Variants in LDB2 observed in about 807,000 individuals in gnomAD.
LDB2 encodes LIM domain binding 2, also known as LIM domain-binding protein 2.
A neutral mutation model predicts 44.3 loss-of-function variants in LDB2; 12 were observed. The observed-to-expected ratio is 0.27, with a 90% confidence interval of 0.17 to 0.44. The LOEUF is 0.44. Ranked by LOEUF, LDB2 falls within the 20% of genes least tolerant of loss-of-function variation. The pLI, the probability that LDB2 is intolerant of heterozygous loss-of-function variation, is 1.00. For missense variants in LDB2, 344 were observed against 473.5 expected (o/e 0.73, Z 2.54); for synonymous variants, 164 against 174.8 (o/e 0.94, Z 0.49).
In LDB2 at chr4:16,837,030, G is replaced by C. The variant is rs141392567; in HGVS notation, c.132+61324C>G. Among the ~76,000 whole-genome samples, 312 of 152,306 alleles carry C rather than the reference G, an allele frequency of 2.0e-3. 4 individuals are homozygous for C. In the East Asian group the frequency reaches 0.036, roughly 18 times the overall value. ...ATACTTCATCTTCTGTTCCCAAAATGGTTGCTAGTCCAGGTCTGTGTAGAC... is the reference window on the plus strand; with the variant it reads ...ATACTTCATCTTCTGTTCCCAAAATCGTTGCTAGTCCAGGTCTGTGTAGAC... On this transcript the variant is annotated intron_variant, in intron 1 of 7. Coordinates refer to ENST00000304523, the MANE Select transcript of LDB2 (RefSeq NM_001290.5).
rs572516385 is a variant in LDB2 at position 16,794,385 on chromosome 4, C to T, written c.133-35125G>A. On this transcript the variant is annotated intron_variant, in intron 1 of 7. Transcript: ENST00000304523. ...CAAGATGACTGCAGCTCCTCCTCAG[C>T]TATCACTGTACCTTCAATCTGTGCA... 9.8e-5 allele frequency among the ~76,000 whole-genome samples: 15 copies of T among 152,330 alleles called. 1 individual carries two copies. The highest frequency in any genetic ancestry group is 3.6e-4 in the African/African-American group (15 of 41,570).
rs376002035 is a variant in LDB2 at position 16,887,156 on chromosome 4, G to GTAAGTGTGT, written c.132+11189_132+11197dup. On this transcript the variant is annotated intron_variant, in intron 1 of 7. Coordinates refer to ENST00000304523, the MANE Select transcript of LDB2 (RefSeq NM_001290.5). ...GTGTTGAGGTGCAGATTAATGCTTG[G>GTAAGTGTGT]TAAGTGTGTTTGGATTTAGCCAGTT... Among the ~76,000 whole-genome samples the GTAAGTGTGT allele has an allele frequency of 2.8e-3, 424 of 150,484 alleles. 1 individual carries two copies. Among genetic ancestry groups the GTAAGTGTGT allele is most frequent in the African/African-American group, 9.9e-3 (406 of 41,082 alleles).
chr4:16,883,477 G>A (rs1020188370), intron 1 of LDB2, among the ~76,000 whole-genome samples: 9 of 152,360 alleles, frequency 5.9e-5, no homozygotes, highest in Non-Finnish European at 1.2e-4. Flanking sequence ...AATGGGGCAT[G>A]AACTACCATG....
intron 2 of LDB2, among the ~76,000 whole-genome samples, chr4:16,743,197 T>A (rs141979448): frequency 0.037 from 5,689 of 152,052 alleles, 336 homozygotes; most frequent in African/African-American, 0.13. Flanking sequence ...GGCTGAGGCA[T>A]GAGAATTGCT....
intron 2 of LDB2, among the ~76,000 whole-genome samples, chr4:16,631,352 T>A (rs13140651): frequency 2.0e-5 from 3 of 152,070 alleles, no homozygotes; most frequent in Non-Finnish European, 4.4e-5. Context: ...AATAATGAAA[T>A]GAAGGCAGAA....
intron 1 of LDB2, among the ~76,000 whole-genome samples, chr4:16,865,067 A>G (rs1326092008): frequency 6.6e-6 from 1 of 151,920 alleles, no homozygotes; most frequent in Non-Finnish European, 1.5e-5. Context: ...CCTGGCCAAC[A>G]TGGTGAAACC....
intron 5 of LDB2, among the ~76,000 whole-genome samples, chr4:16,573,049 C>T (rs974915347): frequency 1.6e-4 from 25 of 152,310 alleles, no homozygotes; most frequent in African/African-American, 4.3e-4. Context: ...CTCAACCCCA[C>T]GGTGGAGTGG....
intron 1 of LDB2, among the ~76,000 whole-genome samples, chr4:16,811,542 T>G (rs1779871120): frequency 6.6e-6 from 1 of 152,244 alleles, no homozygotes; most frequent in African/African-American, 2.4e-5. Flanking sequence ...CTAGACCCGA[T>G]TTTCTACAAT....
At chr4:16,811,600 T>C (rs1371488278) in intron 1 of LDB2, among the ~76,000 whole-genome samples, 1 of 152,240 alleles carries the variant, frequency 6.6e-6, no homozygotes, top group Non-Finnish European at 1.5e-5. Context: ...ACTGTAAATG[T>C]AGTTTATCTA....
At chr4:16,595,406 AAAC>A (rs944331853) in intron 3 of LDB2, among the ~76,000 whole-genome samples, 18 of 152,142 alleles carry the variant, frequency 1.2e-4, no homozygotes, top group African/African-American at 3.9e-4. Context: ...CTTTTGTATA[AAAC>A]AACAATTCTA....
At chr4:16,706,733 A>C (rs1045092868) in intron 2 of LDB2, among the ~76,000 whole-genome samples, 3 of 152,156 alleles carry the variant, frequency 2.0e-5, no homozygotes, top group African/African-American at 7.2e-5. Context: ...ATCTGGGGAG[A>C]CTTTGAGCAG....
intron 2 of LDB2, among the ~76,000 whole-genome samples, chr4:16,668,209 G>A (rs1333332893): frequency 6.6e-6 from 1 of 152,006 alleles, no homozygotes; most frequent in Non-Finnish European, 1.5e-5. Flanking sequence ...TTATTACTGT[G>A]GGTCATGGTC....
intron 5 of LDB2, among the ~76,000 whole-genome samples, chr4:16,556,073 C>G (rs936086512): frequency 9.2e-5 from 14 of 152,222 alleles, no homozygotes; most frequent in Admixed American, 3.9e-4. Flanking sequence ...GTCCAACTAT[C>G]ACCTTCTCAG....
intron 2 of LDB2, among the ~76,000 whole-genome samples, chr4:16,749,558 C>CAAAAAAAAAAAAAAAA (rs1287627062): frequency 1.3e-5 from 1 of 75,568 alleles, no homozygotes; most frequent in Non-Finnish European, 2.7e-5. Context: ...GACTCCATCT[C>CAAAAAAAAAAAAAAAA]AAAAAAAAAA....
intron 2 of LDB2, among the ~76,000 whole-genome samples, chr4:16,600,176 C>T (rs1560594070): frequency 6.6e-6 from 1 of 152,146 alleles, no homozygotes; most frequent in Non-Finnish European, 1.5e-5. Flanking sequence ...TCACCTAACT[C>T]GACAGCCACA....
rs186318639 is a variant in LDB2 at position 16,725,967 on chromosome 4, T to C, written c.235+33191A>G. 4.9e-3 allele frequency among the ~76,000 whole-genome samples: 726 copies of C among 148,888 alleles called. 7 individuals are homozygous for C. The highest frequency in any genetic ancestry group is 6.5e-3 in the Non-Finnish European group (436 of 67,388). On this transcript the variant is annotated intron_variant, in intron 2 of 7. Coordinates refer to ENST00000304523, the MANE Select transcript of LDB2 (RefSeq NM_001290.5). The stretch of plus-strand genomic sequence containing the variant: ...ATATGTATATATCATATATTTATGA[T>C]ATTAGTACATAAAATATCCATTATA...
chr4:16,762,422 C>T (rs950463025), intron 1 of LDB2, among the ~76,000 whole-genome samples: 1 of 152,134 alleles, frequency 6.6e-6, no homozygotes, highest in Non-Finnish European at 1.5e-5. Flanking sequence ...AAGATATACC[C>T]AAGACTGGGT....
intron 2 of LDB2, among the ~76,000 whole-genome samples, chr4:16,620,356 G>T (rs1354169967): frequency 6.6e-6 from 1 of 152,158 alleles, no homozygotes; most frequent in Admixed American, 6.5e-5. Flanking sequence ...AGTAAGTTCT[G>T]AGTTGTTAGA....
chr4:16,596,689 T>A (rs370137130), intron 2 of LDB2, among the ~76,000 whole-genome samples: 3 of 152,352 alleles, frequency 2.0e-5, no homozygotes, highest in African/African-American at 7.2e-5. Context: ...AGGCTAATTT[T>A]AAGAGAAGTT....
Sources: allele counts gnomAD v4.1 joint callset (sites outside exome capture counted in the v4.1 genomes callset), GRCh38; gene constraint gnomAD v4.1.1; transcripts MANE v1.5; gene names NCBI Gene and HGNC (gene_info 2026-07-23, HGNC 2026-07-21).